PTGER4: variants seen among roughly 807,000 people sequenced by gnomAD.
PTGER4 encodes prostaglandin E2 receptor EP4 subtype.
Under a neutral mutation model 33.2 loss-of-function variants are expected in PTGER4, and 11 were observed. The ratio of observed to expected loss-of-function variants is 0.33; its 90% CI spans 0.21 to 0.55. The LOEUF is 0.55. Among genes scored for constraint, PTGER4 ranks in the 20% least tolerant of loss-of-function variants. PTGER4 has a pLI of 0.92. For missense variants in PTGER4, 481 were observed against 650.2 expected, an observed-to-expected ratio of 0.74 and a Z score of 2.83; for synonymous variants, 275 against 281.5, an observed-to-expected ratio of 0.98 and a Z score of 0.23.
chr5:40,745,107 G>C, the PTGER4 span, among the ~76,000 whole-genome samples: 3 of 152,110 alleles, frequency 2.0e-5, no homozygotes, highest in East Asian at 5.8e-4. Flanking sequence ...TGTCATGGGG[G>C]ATAAAAGTAG....
At chr5:40,705,379 A>G in the PTGER4 span, among the ~76,000 whole-genome samples, 1 of 152,226 alleles carries the variant, frequency 6.6e-6, no homozygotes, top group Non-Finnish European at 1.5e-5. Flanking sequence ...ACCCTGGAAG[A>G]CAATCTAGGC....
At chr5:40,728,198 C>T in the PTGER4 span, 544 of 523,954 alleles carry the variant, frequency 1.0e-3, 2 homozygotes, top group Admixed American at 3.3e-3. Context: ...ACAGGAGAAT[C>T]GCTTGAACCC....
Position 40,693,320 on chromosome 5 carries a change from T to C in PTGER4, c.*942T>C. On this transcript the variant is annotated 3_prime_UTR_variant, in exon 3 of 3. Transcript: ENST00000302472. ...TAATTGAAGTGTATAATATAAAAAATTTTAAAAATCTAAGCAGCTTATTGT... is the reference window on the plus strand; with the variant it reads ...TAATTGAAGTGTATAATATAAAAAACTTTAAAAATCTAAGCAGCTTATTGT... 2 of 979,134 alleles carry C rather than the reference T, an allele frequency of 2.0e-6. No individual in the cohort carries two copies. The highest frequency in any genetic ancestry group is 4.7e-5 in the South Asian group (1 of 21,128). The allele number at this position is 979,134 out of a possible 1,614,324, so 60.7% of individuals were successfully genotyped here. A position where few individuals can be genotyped will look rare whatever the true frequency, so the allele number is the denominator to read the frequency against.
rs768952787 is a variant in PTGER4, at chr5:40,691,764, A to C, written c.868-15A>C. 3 of 1,600,470 alleles carry C rather than the reference A, an allele frequency of 1.9e-6. No homozygotes were observed. Among genetic ancestry groups the C allele is most frequent in the Non-Finnish European group, 1.7e-6 (2 of 1,173,468 alleles). On this transcript the variant is annotated splice_polypyrimidine_tract_variant and intron_variant, in intron 2 of 2. Coordinates refer to ENST00000302472, the MANE Select transcript of PTGER4 (RefSeq NM_000958.3). The surrounding 1 kb of genome is among the most constrained non-coding windows in gnomAD (Gnocchi z 4.2). ...ATTAATGATGAAATCTAAATGTGCGATCTCACTTATGCAGGTGCGAGTATT... is the reference window on the plus strand; with the variant it reads ...ATTAATGATGAAATCTAAATGTGCGCTCTCACTTATGCAGGTGCGAGTATT...
chr5:40,680,877 C>T lies in PTGER4; in HGVS notation c.-43-74C>T, dbSNP rs1197494378. 1.5e-6 allele frequency: 2 copies of T among 1,298,676 alleles called. No individual in the cohort carries two copies. The highest frequency in any genetic ancestry group is 1.1e-6 in the Non-Finnish European group (1 of 946,742). 80.4% of individuals were successfully genotyped at this position (1,298,676 alleles called of 1,614,324 possible). On this transcript the variant is annotated intron_variant, in intron 1 of 2. Transcript: ENST00000302472. This position sits in a 1 kb window ranked among gnomAD's most constrained non-coding sequence, Gnocchi z 5.5. Reference sequence around the variant, plus strand: ...CTTGTCTTATCAGTGTATCGTTTCTCGGGCGCGGGTCTAACACCTTACAAG... The same window carrying T: ...CTTGTCTTATCAGTGTATCGTTTCTTGGGCGCGGGTCTAACACCTTACAAG...
chr5:40,711,281 T>C, the PTGER4 span, among the ~76,000 whole-genome samples: 7 of 152,234 alleles, frequency 4.6e-5, no homozygotes, highest in African/African-American at 1.7e-4. Context: ...GATAAGCCTA[T>C]GAAAAGATGC....
chr5:40,691,762 C>T lies in PTGER4; in HGVS notation c.868-17C>T, dbSNP rs544583599. On this transcript the variant is annotated splice_polypyrimidine_tract_variant and intron_variant, in intron 2 of 2. Coordinates refer to ENST00000302472, the MANE Select transcript of PTGER4 (RefSeq NM_000958.3). This position sits in a 1 kb window ranked among gnomAD's most constrained non-coding sequence, Gnocchi z 4.2. ...TGATTAATGATGAAATCTAAATGTG[C>T]GATCTCACTTATGCAGGTGCGAGTA... The T allele has an allele frequency of 3.8e-6, 6 of 1,596,794 alleles. No homozygotes were observed. Among genetic ancestry groups the T allele is most frequent in the South Asian group, 2.3e-5 (2 of 88,466 alleles).
the PTGER4 span, among the ~76,000 whole-genome samples, chr5:40,734,118 G>A: frequency 1.4e-4 from 22 of 152,322 alleles, 1 homozygote; most frequent in Admixed American, 6.5e-5. Flanking sequence ...GCAAGAAATG[G>A]TGGGTATTTA....
the PTGER4 span, among the ~76,000 whole-genome samples, chr5:40,703,338 C>T: frequency 6.6e-6 from 1 of 151,960 alleles, no homozygotes; most frequent in African/African-American, 2.4e-5. Flanking sequence ...GAAATAAAAA[C>T]AACCATCAGA....
downstream of PTGER4, among the ~76,000 whole-genome samples, chr5:40,697,606 GAAAAAAGAA>G (rs1183782967): frequency 1.0e-3 from 147 of 140,296 alleles, 1 homozygote; most frequent in Non-Finnish European, 1.2e-3. Context: ...AAAAAACAAA[GAAAAAAGAA>G]AAAGAAGGAA....
the PTGER4 span, among the ~76,000 whole-genome samples, chr5:40,727,509 T>C: frequency 2.0e-5 from 3 of 152,210 alleles, no homozygotes; most frequent in Non-Finnish European, 2.9e-5. Context: ...CAGTTTACGG[T>C]AAACATTACA....
the PTGER4 span, chr5:40,716,594 C>T: frequency 1.3e-6 from 1 of 786,454 alleles, no homozygotes; most frequent in Non-Finnish European, 2.1e-6. Context: ...TGTACACATA[C>T]ACATCCTAAT....
chr5:40,709,912 T>C, the PTGER4 span, among the ~76,000 whole-genome samples: 3 of 151,972 alleles, frequency 2.0e-5, no homozygotes, highest in East Asian at 1.9e-4. Flanking sequence ...TTACACCTTA[T>C]ACAAAAATTA....
At chr5:40,715,222 C>G in the PTGER4 span, 20 of 151,848 alleles carry the variant, frequency 1.3e-4, no homozygotes, top group Admixed American at 1.3e-3. Flanking sequence ...AAAAAGTTAT[C>G]TAGAAAAGTA....
the PTGER4 span, among the ~76,000 whole-genome samples, chr5:40,703,898 G>A: frequency 0.014 from 968 of 70,704 alleles, 7 homozygotes; most frequent in Non-Finnish European, 0.019. Flanking sequence ...GCAAGACGCC[G>A]TCTCAAAAAA....
chr5:40,746,704 G>A, the PTGER4 span: 2 of 950,888 alleles, frequency 2.1e-6, no homozygotes, highest in South Asian at 3.8e-5. Flanking sequence ...TTTTAAACAT[G>A]AATTTATCAA....
chr5:40,745,699 A>T, the PTGER4 span, among the ~76,000 whole-genome samples: 1 of 150,882 alleles, frequency 6.6e-6, no homozygotes, highest in Admixed American at 6.7e-5. Context: ...AGAATTTTTT[A>T]AAACTGGAAC....
the PTGER4 span, chr5:40,714,630 T>G: frequency 6.6e-6 from 1 of 152,204 alleles, no homozygotes; most frequent in African/African-American, 2.4e-5. Context: ...ACATATTTTT[T>G]GGAGCACTCT....
chr5:40,733,301 T>C, the PTGER4 span, among the ~76,000 whole-genome samples: 2 of 152,214 alleles, frequency 1.3e-5, no homozygotes, highest in South Asian at 2.1e-4. Flanking sequence ...AGGGGTGGCA[T>C]AGTAAAGGTC....
Sources: gnomAD v4.1 joint callset for allele counts (sites outside exome capture counted in the v4.1 genomes callset) on GRCh38, gnomAD v4.1.1 for gene constraint, Gnocchi (gnomAD v3.1) non-coding constraint, MANE v1.5 for transcripts, NCBI Gene and HGNC (gene_info 2026-07-23, HGNC 2026-07-21) for gene names.